KAT2B: variants seen among roughly 807,000 people sequenced by gnomAD.
The protein encoded by KAT2B is lysine acetyltransferase 2B.
In KAT2B, 36 loss-of-function variants were observed where a neutral mutation model predicts 105.9. The ratio of observed to expected loss-of-function variants is 0.34; its 90% CI spans 0.26 to 0.45. The LOEUF is 0.45. KAT2B is among the 20% of genes least tolerant of loss of function. The pLI is 1.00. For synonymous variants in KAT2B, 397 were observed against 377.9 expected (o/e 1.05, Z -0.59); for missense variants, 820 against 1,021.6 (o/e 0.80, Z 2.69).
intron 1 of KAT2B, among the ~76,000 whole-genome samples, chr3:20,067,038 A>G (rs1025924403): frequency 2.0e-5 from 3 of 152,060 alleles, no homozygotes; most frequent in African/African-American, 7.2e-5. Flanking sequence ...CAAAACTTTT[A>G]TGCTTCTCAG....
At chr3:20,121,252 C>T (rs1699302283) in intron 8 of KAT2B, among the ~76,000 whole-genome samples, 2 of 152,182 alleles carry the variant, frequency 1.3e-5, no homozygotes, top group Non-Finnish European at 2.9e-5. Flanking sequence ...TTATACTGTT[C>T]TGCTCCTTTT....
At position 20,140,247 on chromosome 3, in the gene KAT2B, TA is replaced by T; in HGVS notation, c.1891del (p.Thr631ProfsTer15). 6.2e-7 allele frequency: 1 copy of T among 1,610,190 alleles called. No individual in the cohort carries two copies. Among genetic ancestry groups the T allele is most frequent in the Non-Finnish European group, 8.5e-7 (1 of 1,176,536 alleles). ...QGFSKEIKIP[K>X]TKYVGYIKDY... is the part of the protein sequence containing the mutation. ...GTTTCTCCAAAGAAATTAAAATACCTAAAACCAAATATGTTGGCTATATCAA... is the reference window on the plus strand; with the variant it reads ...GTTTCTCCAAAGAAATTAAAATACCTAAACCAAATATGTTGGCTATATCAA... On this transcript the variant is annotated frameshift_variant, in exon 13 of 18. Transcript: ENST00000263754. LOFTEE classifies it high-confidence loss of function.
chr3:20,147,055 C>T (rs1206577425), intron 14 of KAT2B, among the ~76,000 whole-genome samples: 12 of 151,442 alleles, frequency 7.9e-5, no homozygotes, highest in Admixed American at 7.9e-4. Context: ...TTAAACCATA[C>T]CAAATAGTTG....
At chr3:20,101,220 TGTGTGG>T (rs1205916312) in intron 4 of KAT2B, 61 bp from the exon 5 acceptor site, 4 of 1,282,958 alleles carry the variant, frequency 3.1e-6, no homozygotes, top group Non-Finnish European at 4.5e-6. Context: ...TCATGCTGGC[TGTGTGG>T]GTGTTCAGAA....
chr3:20,053,698 A>T (rs1271122500), intron 1 of KAT2B, among the ~76,000 whole-genome samples: 1 of 152,232 alleles, frequency 6.6e-6, no homozygotes, highest in South Asian at 2.1e-4. Context: ...TCTTTAAACT[A>T]CTATTTATAT....
At chr3:20,062,125 T>TTATATATTATATAAAACATAA (rs1698128402) in intron 1 of KAT2B, among the ~76,000 whole-genome samples, 1 of 73,960 alleles carries the variant, frequency 1.4e-5, no homozygotes, top group African/African-American at 5.9e-5. Context: ...ATAAAACATA[T>TTATATATTATATAAAACATAA]ATATATAAAA....
At chr3:20,067,267 T>C (rs547740647) in intron 1 of KAT2B, among the ~76,000 whole-genome samples, 1 of 152,346 alleles carries the variant, frequency 6.6e-6, no homozygotes, top group South Asian at 2.1e-4. Flanking sequence ...TATGGTAGAA[T>C]TCATTAAGCA....
intron 5 of KAT2B, among the ~76,000 whole-genome samples, chr3:20,109,180 A>G (rs576730508): frequency 1.3e-5 from 2 of 152,262 alleles, no homozygotes; most frequent in Admixed American, 1.3e-4. Context: ...TAGTCTTGTG[A>G]TTGCCTAAGT....
At position 20,115,000 on chromosome 3, in the gene KAT2B, T is replaced by C; in HGVS notation, c.1150+12T>C. The C allele has an allele frequency of 2.6e-6, 4 of 1,552,676 alleles. No individual in the cohort carries two copies. Among genetic ancestry groups the C allele is most frequent in the Non-Finnish European group, 3.6e-6 (4 of 1,124,728 alleles). On this transcript the variant is annotated intron_variant, in intron 7 of 17. Coordinates refer to ENST00000263754, the MANE Select transcript of KAT2B (RefSeq NM_003884.5). ...AGGCATCCAAACAGGTAAGTTTCCTTTTACATGAATCAGAGAACAACCAGG... is the reference window on the plus strand; with the variant it reads ...AGGCATCCAAACAGGTAAGTTTCCTCTTACATGAATCAGAGAACAACCAGG...
At position 20,110,499 on chromosome 3, in the gene KAT2B, C is replaced by T. The variant is rs9850294; in HGVS notation, c.852-1097C>T. On this transcript the variant is annotated intron_variant, in intron 5 of 17. Coordinates refer to ENST00000263754, the MANE Select transcript of KAT2B (RefSeq NM_003884.5). ...AATCCTGGGCAACATAGTGAAACCC[C>T]GTCTTTACAAAAAATAAGAAAAAAT... 1.4e-3 allele frequency among the ~76,000 whole-genome samples: 210 copies of T among 151,546 alleles called. 1 individual carries two copies. Among genetic ancestry groups the T allele is most frequent in the African/African-American group, 4.8e-3 (198 of 41,350 alleles).
At chr3:20,064,270 C>T (rs1384767326) in intron 1 of KAT2B, among the ~76,000 whole-genome samples, 1 of 152,140 alleles carries the variant, frequency 6.6e-6, no homozygotes, top group Non-Finnish European at 1.5e-5. Flanking sequence ...TGTTTTGAAA[C>T]ATGTATACAT....
chr3:20,087,721 T>C (rs1575125604), intron 2 of KAT2B, among the ~76,000 whole-genome samples: 1 of 152,190 alleles, frequency 6.6e-6, no homozygotes, highest in Admixed American at 6.6e-5. Context: ...ATTCTGACTT[T>C]TTAAGATTCT....
At chr3:20,085,507 CTTTCT>C (rs1433352680) in intron 2 of KAT2B, among the ~76,000 whole-genome samples, 12 of 140,212 alleles carry the variant, frequency 8.6e-5, no homozygotes, top group Non-Finnish European at 1.5e-4. Context: ...TTTTTTCTTT[CTTTCT>C]TTTTTTTTTT....
chr3:20,142,834 T>A (rs1481042610), intron 13 of KAT2B, among the ~76,000 whole-genome samples: 1 of 152,074 alleles, frequency 6.6e-6, no homozygotes, highest in Non-Finnish European at 1.5e-5. Context: ...AAGGCACTAT[T>A]TGAGAAAGCG....
At chr3:20,125,125 A>C (rs1280979634) in intron 9 of KAT2B, among the ~76,000 whole-genome samples, 2 of 152,118 alleles carry the variant, frequency 1.3e-5, no homozygotes, top group African/African-American at 4.8e-5. Context: ...GATCGAGACC[A>C]TCTTGGCTAA....
intron 11 of KAT2B, among the ~76,000 whole-genome samples, chr3:20,134,785 G>A (rs1045355140): frequency 6.6e-6 from 1 of 152,042 alleles, no homozygotes; most frequent in South Asian, 2.1e-4. Context: ...TGTAATGCAG[G>A]CCTCAAATGC....
chr3:20,052,538 A>C lies in KAT2B; in HGVS notation c.303+11758A>C, dbSNP rs551987776. Among the ~76,000 whole-genome samples, 6 of 152,276 alleles carry C rather than the reference A, an allele frequency of 3.9e-5. No homozygotes were observed. In the South Asian group the frequency reaches 1.2e-3, roughly 32 times the overall value. On this transcript the variant is annotated intron_variant, in intron 1 of 17. Coordinates refer to ENST00000263754, the MANE Select transcript of KAT2B (RefSeq NM_003884.5). ...TCACAGGCTTTGTGAGATTGGTGGA[A>C]AGGAAACTGTATTGTAAAGATGGCC...
At chr3:20,047,395 T>C (rs1408426142) in intron 1 of KAT2B, among the ~76,000 whole-genome samples, 1 of 151,768 alleles carries the variant, frequency 6.6e-6, no homozygotes, top group Non-Finnish European at 1.5e-5. Context: ...TTAATATGAA[T>C]ATGACTAACA....
chr3:20,139,129 G>C (rs1430452483), intron 12 of KAT2B, among the ~76,000 whole-genome samples: 1 of 151,792 alleles, frequency 6.6e-6, no homozygotes. Context: ...TGCCTGGGCT[G>C]GTCTTGAACT....
Sources: gnomAD v4.1 joint callset for allele counts (sites outside exome capture counted in the v4.1 genomes callset) on GRCh38, gnomAD v4.1.1 for gene constraint, MANE v1.5 for transcripts, NCBI Gene and HGNC (gene_info 2026-07-23, HGNC 2026-07-21) for gene names.